SPIC: variants seen among roughly 807,000 people sequenced by gnomAD.
SPIC encodes the protein Spi-C transcription factor.
In SPIC, 9 loss-of-function variants were observed where a neutral mutation model predicts 16.7. The observed-to-expected ratio is 0.54, with a 90% confidence interval of 0.33 to 0.94. The LOEUF (loss-of-function observed/expected upper bound fraction) is 0.94, where lower values mean the gene tolerates loss of function less well. SPIC is among the 40% of genes least tolerant of loss of function. The pLI is 0.03. For synonymous variants in SPIC, 97 were observed against 102.9 expected, an observed-to-expected ratio of 0.94 and a Z score of 0.35; for missense variants, 241 against 285.8, an observed-to-expected ratio of 0.84 and a Z score of 1.13.
intron 3 of SPIC, 23 bp downstream of exon 3, chr12:101,477,674 C>T (rs1872998348): frequency 1.3e-6 from 2 of 1,581,534 alleles, no homozygotes; most frequent in Admixed American, 3.3e-5. Flanking sequence ...CATTTACCCT[C>T]TTCTGCTGGT....
In SPIC at chr12:101,480,305, G is replaced by A. The variant is rs542787962; in HGVS notation, c.210+611G>A. Among the ~76,000 whole-genome samples, 13 of 152,292 alleles carry A rather than the reference G, an allele frequency of 8.5e-5. No individual in the cohort carries two copies. The East Asian group carries it at 2.1e-3, about 25-fold the overall frequency. On this transcript the variant is annotated intron_variant, in intron 4 of 5. Coordinates refer to ENST00000551346, the MANE Select transcript of SPIC (RefSeq NM_152323.3). ...TCAGTTGCTTCTCCTTAGTCCATCT[G>A]GGAAATTGCAAAAAGTTTCCCCTAA...
intron 4 of SPIC, among the ~76,000 whole-genome samples, chr12:101,480,724 C>T (rs184648436): frequency 3.3e-5 from 5 of 152,262 alleles, no homozygotes; most frequent in Admixed American, 1.3e-4. Flanking sequence ...CAGTGGCTCA[C>T]GCCTGTAATC....
intron 3 of SPIC, among the ~76,000 whole-genome samples, chr12:101,479,162 GAAAGAAAGAA>G (rs1452068157): frequency 1.0e-5 from 1 of 96,772 alleles, no homozygotes; most frequent in African/African-American, 4.0e-5. Context: ...AGAAAAGAAA[GAAAGAAAGAA>G]AAAGAAAGAA....
intron 1 of SPIC, among the ~76,000 whole-genome samples, 200 bp from the exon 2 acceptor site, chr12:101,476,628 C>T (rs1308272548): frequency 2.0e-5 from 3 of 151,868 alleles, no homozygotes; most frequent in East Asian, 1.9e-4. Context: ...ATATTTAAAG[C>T]ATTTTGTAAT....
chr12:101,479,253 AGAAG>A lies in SPIC; in HGVS notation c.98-321_98-318del, dbSNP rs1179460324. Among the ~76,000 whole-genome samples the A allele has an allele frequency of 2.6e-4, 27 of 102,834 alleles. 1 individual carries two copies. In the South Asian group the frequency reaches 3.5e-3, roughly 13 times the overall value. 67.5% of individuals were successfully genotyped at this position (102,834 alleles called of 152,430 possible). The stretch of plus-strand genomic sequence containing the variant: ...GAAAGAAAGAAAGAAAAAGAAAGAA[AGAAG>A]GAAGGAAAGAAAGAAAGAAAGAAAG... On this transcript the variant is annotated intron_variant, in intron 3 of 5. Coordinates refer to ENST00000551346, the MANE Select transcript of SPIC (RefSeq NM_152323.3).
intron 5 of SPIC, among the ~76,000 whole-genome samples, chr12:101,484,486 A>C (rs1417254236): frequency 1.3e-5 from 2 of 152,018 alleles, no homozygotes; most frequent in East Asian, 3.9e-4. Context: ...CAGTGAGCCA[A>C]GATCAAGCCA....
intron 5 of SPIC, among the ~76,000 whole-genome samples, chr12:101,484,498 T>C (rs1565832835): frequency 6.6e-6 from 1 of 151,750 alleles, no homozygotes; most frequent in Non-Finnish European, 1.5e-5. Flanking sequence ...ATCAAGCCAC[T>C]GCACTCCAGC....
intron 5 of SPIC, among the ~76,000 whole-genome samples, chr12:101,486,081 G>A (rs1227345901): frequency 6.6e-6 from 1 of 152,194 alleles, no homozygotes; most frequent in African/African-American, 2.4e-5. Flanking sequence ...GACTACAGGC[G>A]TGAGCCATCA....
chr12:101,479,304 G>A lies in SPIC; in HGVS notation c.98-278G>A, dbSNP rs201038298. 9.4e-4 allele frequency among the ~76,000 whole-genome samples: 23 copies of A among 24,568 alleles called. 2 individuals carry two copies. Among genetic ancestry groups the A allele is most frequent in the Admixed American group, 5.3e-3 (14 of 2,650 alleles). The allele number at this position is 24,568 out of a possible 152,430, so 16.1% of individuals were successfully genotyped here. ...AAAGAAAAAGAAAGAAAGAAAGAAA[G>A]AAAAAAGAAAGAAAGAAAGAAAGAA... On this transcript the variant is annotated intron_variant, in intron 3 of 5. Transcript: ENST00000551346.
intron 3 of SPIC, among the ~76,000 whole-genome samples, chr12:101,479,224 G>GAAAGAAAGAA (rs1873078482): frequency 1.2e-5 from 1 of 82,088 alleles, no homozygotes; most frequent in African/African-American, 4.0e-5. Flanking sequence ...AAGAAAGAAG[G>GAAAGAAAGAA]AAAGAAAGAA....
chr12:101,476,409 C>T (rs1872958679), intron 1 of SPIC, among the ~76,000 whole-genome samples: 1 of 151,932 alleles, frequency 6.6e-6, no homozygotes, highest in South Asian at 2.1e-4. Flanking sequence ...ATGGCTTTTG[C>T]CAGATTCTCA....
intron 4 of SPIC, among the ~76,000 whole-genome samples, chr12:101,481,391 C>A (rs537220060): frequency 6.6e-6 from 1 of 152,060 alleles, no homozygotes; most frequent in Admixed American, 6.6e-5. Flanking sequence ...TTGCCCAGGC[C>A]GTAGTGCAAT....
intron 4 of SPIC, among the ~76,000 whole-genome samples, chr12:101,481,460 C>T (rs1488891962): frequency 6.6e-5 from 10 of 152,166 alleles, no homozygotes; most frequent in African/African-American, 1.7e-4. Flanking sequence ...TCTCCTGCCT[C>T]GGCCTCCCAA....
At chr12:101,484,151 TA>T (rs1555209468) in intron 5 of SPIC, among the ~76,000 whole-genome samples, 1 of 151,914 alleles carries the variant, frequency 6.6e-6, no homozygotes, top group Non-Finnish European at 1.5e-5. Flanking sequence ...AAGCTTTTTT[TA>T]AAAAAATTTT....
At chr12:101,475,692 G>A (rs145146946) in intron 1 of SPIC, among the ~76,000 whole-genome samples, 190 bp downstream of exon 1, 55 of 152,264 alleles carry the variant, frequency 3.6e-4, no homozygotes, top group South Asian at 8.3e-4. Context: ...CGATAGTCTT[G>A]TGGAGCATTT....
intron 4 of SPIC, 37 bp from the exon 5 acceptor site, chr12:101,482,755 A>G: frequency 6.4e-7 from 1 of 1,572,572 alleles, no homozygotes; most frequent in Non-Finnish European, 8.7e-7. Context: ...GCAACAGGGA[A>G]AGTCTCACTT....
intron 4 of SPIC, among the ~76,000 whole-genome samples, chr12:101,481,126 T>C (rs942357523): frequency 6.6e-6 from 1 of 152,154 alleles, no homozygotes; most frequent in Non-Finnish European, 1.5e-5. Context: ...TTGCCATATG[T>C]AAATGGTAGA....
intron 1 of SPIC, among the ~76,000 whole-genome samples, chr12:101,476,004 T>G (rs566752326): frequency 6.6e-6 from 1 of 152,326 alleles, no homozygotes; most frequent in East Asian, 1.9e-4. Flanking sequence ...CATCATCTCA[T>G]TTTATTATTC....
chr12:101,486,351 G>A lies in SPIC; in HGVS notation c.327G>A (p.Lys109=), dbSNP rs770895439. The stretch of plus-strand genomic sequence containing the variant: ...TGTTTCCCTTCATTTTAGGCAGGAA[G>A]AAGCTCCGACTGTTTGAATACCTTC... ...LLQQKGGKGR[K]KLRLFEYLHE... The change falls in exon 6 of 6, where the codon AAG becomes AAA. Residue 109 remains lysine, a synonymous_variant. Transcript: ENST00000551346. 4 of 1,601,094 alleles carry A rather than the reference G, an allele frequency of 2.5e-6. No homozygotes were observed. The highest frequency in any genetic ancestry group is 3.4e-6 in the Non-Finnish European group (4 of 1,173,866).
Sources: gnomAD v4.1 joint callset for allele counts (sites outside exome capture counted in the v4.1 genomes callset) on GRCh38, gnomAD v4.1.1 for gene constraint, MANE v1.5 for transcripts, NCBI Gene and HGNC (gene_info 2026-07-23, HGNC 2026-07-21) for gene names.